The following NF1 variants were observed in gnomAD, a reference collection of about 807,000 sequenced individuals.
NF1 encodes neurofibromin.
NF1 carries 122 observed loss-of-function variants against 325.7 expected under a neutral mutation model. The observed-to-expected ratio is 0.37, with a 90% CI of 0.32 to 0.44. The LOEUF (loss-of-function observed/expected upper bound fraction) is 0.44, where lower values mean the gene tolerates loss of function less well. Among genes scored for constraint, NF1 ranks in the 20% least tolerant of loss-of-function variants. The pLI is 1.00. For missense variants in NF1, 2,140 were observed against 3,415.4 expected, an observed-to-expected ratio of 0.63 and a Z score of 9.31; for synonymous variants, 1,091 against 1,186.0, an observed-to-expected ratio of 0.92 and a Z score of 1.65.
At chr17:31,359,091 C>G (rs1223687341) in intron 56 of NF1, 76 bp downstream of exon 56, 1 of 1,164,464 alleles carries the variant, frequency 8.6e-7, no homozygotes, top group Non-Finnish European at 1.3e-6. Flanking sequence ...GCTTTAAGAA[C>G]ACACAATGTG....
At chr17:31,318,130 C>T in intron 36 of NF1, 1 of 717,152 alleles carries the variant, frequency 1.4e-6, no homozygotes, top group South Asian at 2.5e-5. Flanking sequence ...CAAAAGTACA[C>T]AGTTTAAATA....
chr17:31,254,960 A>C (rs561859132), intron 31 of NF1, among the ~76,000 whole-genome samples: 1 of 152,290 alleles, frequency 6.6e-6, no homozygotes, highest in South Asian at 2.1e-4. Flanking sequence ...ACCTAATGAT[A>C]TTTAAGAGCA....
intron 8 of NF1, among the ~76,000 whole-genome samples, chr17:31,199,981 C>G (rs559599602): frequency 6.6e-6 from 1 of 151,930 alleles, no homozygotes; most frequent in South Asian, 2.1e-4. Flanking sequence ...ACTAAAAATA[C>G]AAAAATTAGC....
chr17:31,148,746 T>C (rs949816282), intron 1 of NF1, among the ~76,000 whole-genome samples: 69 of 152,168 alleles, frequency 4.5e-4, no homozygotes, highest in African/African-American at 1.6e-3. Context: ...CAGAATTATT[T>C]AGTTCCTCTC....
chr17:31,358,302 C>T lies in NF1; in HGVS notation c.7971-178C>T, dbSNP rs2070320170. 3 of 642,058 alleles carry T rather than the reference C, an allele frequency of 4.7e-6. No individual in the cohort carries two copies. The African/African-American group carries it at 5.5e-5, about 12-fold the overall frequency. 39.8% of individuals were successfully genotyped at this position (642,058 alleles called of 1,614,324 possible). On this transcript the variant is annotated intron_variant, in intron 54 of 57. Coordinates refer to ENST00000358273, the MANE Select transcript of NF1 (RefSeq NM_001042492.3). ...CAAAAGACAAACAAAAACAGACACA[C>T]ACACATGTTCATTGTAGAAAATTTG...
chr17:31,311,415 A>G (rs1360323376), intron 36 of NF1, among the ~76,000 whole-genome samples: 1 of 152,252 alleles, frequency 6.6e-6, no homozygotes, highest in Non-Finnish European at 1.5e-5. Flanking sequence ...AGATAGCTGT[A>G]TCAATTACTT....
intron 27 of NF1, among the ~76,000 whole-genome samples, chr17:31,235,113 G>GA (rs956082835): frequency 2.0e-5 from 3 of 151,916 alleles, no homozygotes; most frequent in African/African-American, 7.3e-5. Flanking sequence ...TTTCTTCCTG[G>GA]TTTCTCAAAA....
At chr17:31,215,554 A>G (rs1163937974) in intron 13 of NF1, among the ~76,000 whole-genome samples, 1 of 152,244 alleles carries the variant, frequency 6.6e-6, no homozygotes, top group Non-Finnish European at 1.5e-5. Flanking sequence ...GAAATAGTAC[A>G]TACAATGCTT....
chr17:31,140,202 G>A (rs1567807690), intron 1 of NF1, among the ~76,000 whole-genome samples: 1 of 152,204 alleles, frequency 6.6e-6, no homozygotes, highest in South Asian at 2.1e-4. Flanking sequence ...TAAGAATCAT[G>A]TAGGAGAGGT....
At chr17:31,337,109 C>G (rs917700868) in intron 42 of NF1, among the ~76,000 whole-genome samples, 195 bp downstream of exon 42, 23 of 152,170 alleles carry the variant, frequency 1.5e-4, no homozygotes, top group African/African-American at 5.3e-4. Context: ...TAAAGATTTT[C>G]TATGCATACT....
At chr17:31,287,556 G>GTGTGTGTGTT in intron 36 of NF1, among the ~76,000 whole-genome samples, 1 of 151,460 alleles carries the variant, frequency 6.6e-6, no homozygotes, top group Middle Eastern at 3.4e-3. Flanking sequence ...GTGTGTGTGT[G>GTGTGTGTGTT]TGTGTGTGTG....
At chr17:31,198,522 G>A (rs569628282) in intron 8 of NF1, among the ~76,000 whole-genome samples, 1 of 151,626 alleles carries the variant, frequency 6.6e-6, no homozygotes, top group Admixed American at 6.6e-5. Flanking sequence ...TTTTGTCCAG[G>A]TTATCCAAAT....
intron 57 of NF1, among the ~76,000 whole-genome samples, chr17:31,368,185 G>A (rs577850205): frequency 6.6e-6 from 1 of 152,306 alleles, no homozygotes; most frequent in Non-Finnish European, 1.5e-5. Flanking sequence ...TGCCCAGGCT[G>A]GAGTACAGTG....
rs753605564 is a variant in NF1 at position 31,232,990 on chromosome 17, T to G, written c.3497-12T>G. ...CCATGTTAGTAAATTTGCATCTGTT[T>G]GTCCACATTAGGCTTAGGTTACCAC... On this transcript the variant is annotated splice_polypyrimidine_tract_variant and intron_variant, in intron 26 of 57. Transcript: ENST00000358273. 3 of 1,614,200 alleles carry G rather than the reference T, an allele frequency of 1.9e-6. No homozygotes were observed. The highest frequency in any genetic ancestry group is 2.2e-5 in the East Asian group (1 of 44,882).
chr17:31,357,932 G>A (rs909539986), intron 54 of NF1: 1 of 164,772 alleles, frequency 6.1e-6, no homozygotes, highest in Non-Finnish European at 1.3e-5. Flanking sequence ...TATTAATGGA[G>A]TGTAGCCGGG....
chr17:31,206,446 C>T (rs2143916899), intron 12 of NF1, 75 bp downstream of exon 12: 1 of 1,568,596 alleles, frequency 6.4e-7, no homozygotes, highest in Non-Finnish European at 8.8e-7. Context: ...CCTATTCCTG[C>T]TGCTTTGGTT....
At chr17:31,372,091 CA>C (rs1329362390) in intron 57 of NF1, among the ~76,000 whole-genome samples, 6 of 151,948 alleles carry the variant, frequency 3.9e-5, no homozygotes, top group Non-Finnish European at 8.8e-5. Flanking sequence ...ACTTTTTGTC[CA>C]AAAATGGAAA....
chr17:31,112,413 A>G (rs1913494084), intron 1 of NF1, among the ~76,000 whole-genome samples: 1 of 152,176 alleles, frequency 6.6e-6, no homozygotes, highest in Non-Finnish European at 1.5e-5. Flanking sequence ...GCAGTATATG[A>G]GAGTTTCAGT....
chr17:31,109,147 T>C (rs1392100838), intron 1 of NF1, among the ~76,000 whole-genome samples: 1 of 152,220 alleles, frequency 6.6e-6, no homozygotes, highest in Non-Finnish European at 1.5e-5. Flanking sequence ...CTCTTGGATT[T>C]TGACAATTGC....
Sources: allele counts gnomAD v4.1 joint callset (sites outside exome capture counted in the v4.1 genomes callset), GRCh38; gene constraint gnomAD v4.1.1; transcripts MANE v1.5; gene names NCBI Gene and HGNC (gene_info 2026-07-23, HGNC 2026-07-21).